CTDSPL: variants seen among roughly 807,000 people sequenced by gnomAD.
CTDSPL encodes the protein CTD small phosphatase-like protein.
In CTDSPL, 8 loss-of-function variants were observed where a neutral mutation model predicts 30.5. The ratio of observed to expected loss-of-function variants is 0.26; its 90% CI spans 0.15 to 0.47. The LOEUF is 0.47. Among genes scored for constraint, CTDSPL ranks in the 20% least tolerant of loss-of-function variants. CTDSPL has a pLI of 0.99. For missense variants in CTDSPL, 248 were observed against 366.1 expected (o/e 0.68, Z 2.63); for synonymous variants, 110 against 137.9 (o/e 0.80, Z 1.42).
chr3:37,893,615 T>G (rs1698356886), intron 1 of CTDSPL, among the ~76,000 whole-genome samples: 1 of 152,226 alleles, frequency 6.6e-6, no homozygotes, highest in African/African-American at 2.4e-5. Context: ...TTGAAGGTGG[T>G]TAGCAGGTGG....
chr3:37,948,885 A>G (rs1003415722), intron 2 of CTDSPL, among the ~76,000 whole-genome samples: 1 of 143,562 alleles, frequency 7.0e-6, no homozygotes, highest in South Asian at 2.2e-4. Context: ...CAGTGGCGCA[A>G]TCTCGGCTCA....
chr3:37,875,150 G>A (rs1476881396), intron 1 of CTDSPL, among the ~76,000 whole-genome samples: 1 of 152,164 alleles, frequency 6.6e-6, no homozygotes, highest in Admixed American at 6.5e-5. Context: ...CTCAGGAACT[G>A]TTTGTAGCAC....
rs554442691 is a variant in CTDSPL, at chr3:37,894,271, T to C, written c.79+31993T>C. On this transcript the variant is annotated intron_variant, in intron 1 of 7. Coordinates refer to ENST00000273179, the MANE Select transcript of CTDSPL (RefSeq NM_001008392.2). ...TAACTTTAAAAAAAGTTATTTTTTT[T>C]TTTTGTAGAGACGAGAGTCTCGCTA... Among the ~76,000 whole-genome samples the C allele has an allele frequency of 7.1e-4, 108 of 152,180 alleles. 3 individuals are homozygous for C. The highest frequency in any genetic ancestry group is 6.8e-4 in the Non-Finnish European group (46 of 68,002).
rs985448277 is a variant in CTDSPL, at chr3:37,982,849, A to G, written c.*1982A>G. 5 of 358,190 alleles carry G rather than the reference A, an allele frequency of 1.4e-5. No individual in the cohort carries two copies. The highest frequency in any genetic ancestry group is 2.2e-5 in the Non-Finnish European group (4 of 180,344). 22.2% of individuals were successfully genotyped at this position (358,190 alleles called of 1,614,324 possible). A position where few individuals can be genotyped will look rare whatever the true frequency, so the allele number is the denominator to read the frequency against. ...CTGCCTTAAATGTCTTGAATGTTGC[A>G]GTCAAGTGTCTGTCATGTGTTGATA... On this transcript the variant is annotated 3_prime_UTR_variant, in exon 8 of 8. Coordinates refer to ENST00000273179, the MANE Select transcript of CTDSPL (RefSeq NM_001008392.2).
chr3:37,967,279 G>A (rs1247049429), intron 4 of CTDSPL, among the ~76,000 whole-genome samples: 1 of 152,244 alleles, frequency 6.6e-6, no homozygotes, highest in Non-Finnish European at 1.5e-5. Context: ...GGTCCAAGGA[G>A]AGGAAGAGCC....
intron 1 of CTDSPL, among the ~76,000 whole-genome samples, chr3:37,864,123 G>A (rs1270096346): frequency 6.6e-6 from 1 of 152,158 alleles, no homozygotes; most frequent in Non-Finnish European, 1.5e-5. Context: ...CTTACCAGCT[G>A]TGGATTGAGT....
At chr3:37,926,359 G>A (rs556471348) in intron 1 of CTDSPL, among the ~76,000 whole-genome samples, 61 of 152,284 alleles carry the variant, frequency 4.0e-4, no homozygotes, top group Non-Finnish European at 6.0e-4. Flanking sequence ...GAGAAACACC[G>A]TTATTTTTTT....
At chr3:37,959,761 A>G (rs1699214801) in intron 3 of CTDSPL, among the ~76,000 whole-genome samples, 1 of 152,214 alleles carries the variant, frequency 6.6e-6, no homozygotes, top group East Asian at 1.9e-4. Context: ...AGGTCAAAGG[A>G]TATATTTTAC....
chr3:37,910,129 GTA>G (rs1361589627), intron 1 of CTDSPL, among the ~76,000 whole-genome samples: 1 of 152,218 alleles, frequency 6.6e-6, no homozygotes, highest in East Asian at 1.9e-4. Context: ...GGTAATGTGA[GTA>G]AAGTATTAGC....
At chr3:37,959,841 A>G (rs1039293349) in intron 3 of CTDSPL, among the ~76,000 whole-genome samples, 2 of 152,238 alleles carry the variant, frequency 1.3e-5, no homozygotes, top group African/African-American at 2.4e-5. Context: ...TGAATTATCT[A>G]TGAGAGTGCC....
chr3:37,891,178 C>G (rs189710212), intron 1 of CTDSPL, among the ~76,000 whole-genome samples: 6 of 152,322 alleles, frequency 3.9e-5, no homozygotes, highest in Admixed American at 1.3e-4. Context: ...AGATTTCCTT[C>G]CATCCCTACC....
intron 1 of CTDSPL, among the ~76,000 whole-genome samples, chr3:37,896,298 C>T (rs1287623149): frequency 2.0e-5 from 3 of 151,960 alleles, no homozygotes; most frequent in Non-Finnish European, 2.9e-5. Flanking sequence ...TGAGGAGCCA[C>T]GGAGGCTGCA....
At chr3:37,948,481 G>A (rs1209678113) in intron 2 of CTDSPL, among the ~76,000 whole-genome samples, 1 of 152,190 alleles carries the variant, frequency 6.6e-6, no homozygotes, top group South Asian at 2.1e-4. Context: ...AAAACTTTAT[G>A]TTCCAAATAA....
rs1031040190 is a variant in CTDSPL at position 37,862,210 on chromosome 3, C to T, written c.11C>T (p.Pro4Leu). The T allele has an allele frequency of 4.2e-6, 6 of 1,431,548 alleles. No homozygotes were observed. In the East Asian group the frequency reaches 1.6e-4, roughly 37 times the overall value. The allele number at this position is 1,431,548 out of a possible 1,614,324, so 88.7% of individuals were successfully genotyped here. A position where few individuals can be genotyped will look rare whatever the true frequency, so the allele number is the denominator to read the frequency against. The change falls in exon 1 of 8, where the codon CCG (proline) becomes CTG (leucine). Residue 4 changes from proline (P) to leucine (L), a missense_variant. Physicochemically the swap from Pro to Leu is moderately conservative, Grantham distance 98. This residue lies in a region of CTDSPL where 118 missense variants were observed against 124.7 expected (regional missense o/e 0.95). Coordinates refer to ENST00000273179, the MANE Select transcript of CTDSPL (RefSeq NM_001008392.2). This position sits in a 1 kb window ranked among gnomAD's most constrained non-coding sequence, Gnocchi z 4.3. MDG[P>L]AIITQVTNPK... Reference sequence around the variant, plus strand: ...CCGCGCCGCGCACCCATGGACGGCCCGGCCATCATCACCCAGGTGACCAAC... The same window carrying T: ...CCGCGCCGCGCACCCATGGACGGCCTGGCCATCATCACCCAGGTGACCAAC...
At chr3:37,943,925 G>T (rs1025897885) in intron 1 of CTDSPL, among the ~76,000 whole-genome samples, 1 of 150,268 alleles carries the variant, frequency 6.7e-6, no homozygotes, top group African/African-American at 2.4e-5. Flanking sequence ...GAGTTTGGTG[G>T]GTATGTTCAT....
At chr3:37,880,711 C>T (rs1698193715) in intron 1 of CTDSPL, among the ~76,000 whole-genome samples, 1 of 152,180 alleles carries the variant, frequency 6.6e-6, no homozygotes, top group African/African-American at 2.4e-5. Context: ...ACCACTTACA[C>T]ACTATATCTA....
intron 1 of CTDSPL, among the ~76,000 whole-genome samples, chr3:37,865,030 AG>A: frequency 6.6e-6 from 1 of 152,318 alleles, no homozygotes; most frequent in African/African-American, 2.4e-5. Context: ...AGATTTACAA[AG>A]GAAGTACTAA....
intron 5 of CTDSPL, among the ~76,000 whole-genome samples, chr3:37,970,972 AC>A (rs1699360161): frequency 1.3e-5 from 2 of 152,058 alleles, no homozygotes; most frequent in South Asian, 4.2e-4. Flanking sequence ...GCAATCCCAG[AC>A]CTGCTGGGCA....
At chr3:37,876,860 C>A (rs1292059894) in intron 1 of CTDSPL, among the ~76,000 whole-genome samples, 4 of 151,782 alleles carry the variant, frequency 2.6e-5, no homozygotes, top group Non-Finnish European at 5.9e-5. Context: ...GTAATCCCAG[C>A]ACTTTGGGAG....
Sources: allele counts gnomAD v4.1 joint callset (sites outside exome capture counted in the v4.1 genomes callset), GRCh38; gene constraint gnomAD v4.1.1; regional missense constraint gnomAD v4.1.1; non-coding constraint Gnocchi (gnomAD v3.1); transcripts MANE v1.5; gene names NCBI Gene and HGNC (gene_info 2026-07-23, HGNC 2026-07-21).